Variants in BMPR1B observed in about 807,000 individuals in gnomAD.
BMPR1B encodes bone morphogenetic protein receptor type 1B.
Under a neutral mutation model 59.1 loss-of-function variants are expected in BMPR1B, and 12 were observed. The ratio of observed to expected loss-of-function variants is 0.20; its 90% confidence interval spans 0.13 to 0.33. The LOEUF (loss-of-function observed/expected upper bound fraction) is 0.33, where lower values mean the gene tolerates loss of function less well. BMPR1B is among the 10% of genes least tolerant of loss of function. The pLI, the probability that BMPR1B is intolerant of heterozygous loss-of-function variation, is 1.00. For missense variants in BMPR1B, 550 were observed against 610.9 expected, an observed-to-expected ratio of 0.90 and a Z score of 1.05; for synonymous variants, 237 against 207.3, an observed-to-expected ratio of 1.14 and a Z score of -1.23.
Position 95,154,682 on chromosome 4 carries a change from GAAAA to G in BMPR1B, c.*10_*13del. Reference sequence around the variant, plus strand: ...AGGACATTAAACTCTGATAGGAGAGGAAAAGTAAGCATCTCTGCAGAAAGCCAAC... The same window carrying G: ...AGGACATTAAACTCTGATAGGAGAGGGTAAGCATCTCTGCAGAAAGCCAAC... On this transcript the variant is annotated 3_prime_UTR_variant, in exon 13 of 13. Coordinates refer to ENST00000515059, the MANE Select transcript of BMPR1B (RefSeq NM_001203.3). 1 of 1,613,954 alleles carries G rather than the reference GAAAA, an allele frequency of 6.2e-7. No individual in the cohort carries two copies. The highest frequency in any genetic ancestry group is 8.5e-7 in the Non-Finnish European group (1 of 1,179,878).
rs1489432071 is a variant in BMPR1B at position 95,111,034 on chromosome 4, G to A, written c.144-3686G>A. On this transcript the variant is annotated intron_variant, in intron 4 of 12. Coordinates refer to ENST00000515059, the MANE Select transcript of BMPR1B (RefSeq NM_001203.3). ...TGTTCTTAAGAACTTGTTTACAGAT[G>A]ACCTAAAATCAGTTAACCTTTAAAA... Among the ~76,000 whole-genome samples the A allele has an allele frequency of 3.3e-5, 5 of 152,112 alleles. No homozygotes were observed. The South Asian group carries it at 1.0e-3, about 31-fold the overall frequency.
intron 1 of BMPR1B, among the ~76,000 whole-genome samples, chr4:94,834,934 GTTTC>G (rs899742373): frequency 6.8e-6 from 1 of 147,592 alleles, no homozygotes; most frequent in Non-Finnish European, 1.5e-5. Context: ...TGCAGTTTGT[GTTTC>G]TTTGTTTTTT....
chr4:94,857,538 T>A (rs1725807936), intron 1 of BMPR1B, among the ~76,000 whole-genome samples: 1 of 152,198 alleles, frequency 6.6e-6, no homozygotes, highest in African/African-American at 2.4e-5. Context: ...AAATTTTATG[T>A]AAGAATATCC....
At chr4:94,982,755 G>C (rs949633063) in intron 2 of BMPR1B, among the ~76,000 whole-genome samples, 1 of 152,096 alleles carries the variant, frequency 6.6e-6, no homozygotes, top group Non-Finnish European at 1.5e-5. Flanking sequence ...CACTTTGGGA[G>C]GCTGAGGCGG....
chr4:94,964,710 T>C (rs902633104), intron 2 of BMPR1B, among the ~76,000 whole-genome samples: 1 of 152,170 alleles, frequency 6.6e-6, no homozygotes, highest in Non-Finnish European at 1.5e-5. Flanking sequence ...AGAATGGAAA[T>C]AACATTGGCT....
At chr4:95,143,989 A>G (rs1734442754) in intron 10 of BMPR1B, among the ~76,000 whole-genome samples, 2 of 151,230 alleles carry the variant, frequency 1.3e-5, no homozygotes, top group South Asian at 4.2e-4. Flanking sequence ...GTCCACCTGG[A>G]CATTTCTCCC....
chr4:94,796,202 T>G (rs112255527), intron 1 of BMPR1B, among the ~76,000 whole-genome samples: 180 of 152,288 alleles, frequency 1.2e-3, no homozygotes, highest in Admixed American at 2.8e-3. Flanking sequence ...TGACCTCAAG[T>G]GATCTGTCCG....
intron 2 of BMPR1B, among the ~76,000 whole-genome samples, chr4:94,920,683 G>A (rs1211279407): frequency 6.6e-6 from 1 of 152,168 alleles, no homozygotes; most frequent in African/African-American, 2.4e-5. Flanking sequence ...AGCATAAGCA[G>A]AACCACAAAA....
intron 1 of BMPR1B, among the ~76,000 whole-genome samples, chr4:94,796,839 G>A (rs1723212924): frequency 6.6e-6 from 1 of 152,084 alleles, no homozygotes; most frequent in African/African-American, 2.4e-5. Context: ...GATAATTTTT[G>A]TGTATTTTTG....
At chr4:95,117,765 G>A (rs955892085) in intron 6 of BMPR1B, among the ~76,000 whole-genome samples, 3 of 151,964 alleles carry the variant, frequency 2.0e-5, no homozygotes, top group African/African-American at 7.3e-5. Context: ...CAGCCTGGGT[G>A]GCAGAATGAG....
chr4:95,134,142 G>T (rs548008611), intron 10 of BMPR1B, among the ~76,000 whole-genome samples: 67 of 152,200 alleles, frequency 4.4e-4, no homozygotes, highest in East Asian at 7.7e-4. Context: ...CTGTCCTTGC[G>T]ATAGTTTGCT....
At chr4:94,785,599 C>A (rs531045490) in intron 1 of BMPR1B, among the ~76,000 whole-genome samples, 43 of 152,102 alleles carry the variant, frequency 2.8e-4, no homozygotes, top group African/African-American at 9.9e-4. Flanking sequence ...AAAGATGGGC[C>A]CCAGGTAGCT....
At chr4:94,902,412 CAAAA>C (rs1472315568) in intron 2 of BMPR1B, among the ~76,000 whole-genome samples, 1 of 151,378 alleles carries the variant, frequency 6.6e-6, no homozygotes, top group East Asian at 2.0e-4. Context: ...CATATTAAAA[CAAAA>C]AACCTGAATG....
At chr4:94,903,581 G>A (rs1040288227) in intron 2 of BMPR1B, among the ~76,000 whole-genome samples, 4 of 151,086 alleles carry the variant, frequency 2.6e-5, no homozygotes, top group Non-Finnish European at 2.9e-5. Flanking sequence ...AAAAGAATTC[G>A]GTTATGAATT....
At chr4:94,806,888 A>G (rs1478820478) in intron 1 of BMPR1B, among the ~76,000 whole-genome samples, 2 of 152,100 alleles carry the variant, frequency 1.3e-5, no homozygotes, top group Admixed American at 6.6e-5. Flanking sequence ...GAATTACTAT[A>G]TGCTATATTT....
At chr4:95,094,224 A>G (rs1400163107) in intron 3 of BMPR1B, among the ~76,000 whole-genome samples, 1 of 152,096 alleles carries the variant, frequency 6.6e-6, no homozygotes, top group African/African-American at 2.4e-5. Flanking sequence ...GAATCAATGT[A>G]CCAAGAGATG....
At chr4:94,852,824 C>T (rs934587427) in intron 1 of BMPR1B, among the ~76,000 whole-genome samples, 17 of 152,018 alleles carry the variant, frequency 1.1e-4, no homozygotes, top group Non-Finnish European at 2.1e-4. Context: ...TTGCTGACTT[C>T]GAAGAAACAT....
chr4:94,788,746 T>G (rs1224657150), intron 1 of BMPR1B, among the ~76,000 whole-genome samples: 1 of 152,214 alleles, frequency 6.6e-6, no homozygotes, highest in Non-Finnish European at 1.5e-5. Context: ...GATCTGCCTT[T>G]CATAAGAGAG....
chr4:95,090,349 C>G (rs1729890308), intron 3 of BMPR1B, among the ~76,000 whole-genome samples: 1 of 151,580 alleles, frequency 6.6e-6, no homozygotes, highest in Non-Finnish European at 1.5e-5. Context: ...CATTTCAGCT[C>G]TTTTTGTAAA....
Sources: gnomAD v4.1 joint callset for allele counts (sites outside exome capture counted in the v4.1 genomes callset) on GRCh38, gnomAD v4.1.1 for gene constraint, MANE v1.5 for transcripts, NCBI Gene and HGNC (gene_info 2026-07-23, HGNC 2026-07-21) for gene names.